The following ATP2B2 variants were observed in gnomAD, a reference collection of about 807,000 sequenced individuals.
The protein encoded by ATP2B2 is plasma membrane calcium-transporting ATPase 2.
In ATP2B2, 15 loss-of-function variants were observed where a neutral mutation model predicts 120.0. That is an observed-to-expected ratio of 0.12 (90% CI 0.08 to 0.19). ATP2B2 has a LOEUF of 0.19. Among genes scored for constraint, ATP2B2 ranks in the 10% least tolerant of loss-of-function variants. The probability of loss-of-function intolerance (pLI) is 1.00; values close to 1 mark genes in which losing one functional copy is unlikely to be tolerated. For missense variants in ATP2B2, 1,045 were observed against 1,719.8 expected, an observed-to-expected ratio of 0.61 and a Z score of 6.94; for synonymous variants, 694 against 700.3, an observed-to-expected ratio of 0.99 and a Z score of 0.14.
At chr3:10,584,364 G>T (rs144536194) in intron 2 of ATP2B2, among the ~76,000 whole-genome samples, 1 of 152,186 alleles carries the variant, frequency 6.6e-6, no homozygotes, top group Admixed American at 6.5e-5. Context: ...TTCAGAGAGG[G>T]CTTTACCTTG....
intron 2 of ATP2B2, among the ~76,000 whole-genome samples, chr3:10,609,009 G>A (rs143190398): frequency 1.3e-3 from 203 of 152,294 alleles, no homozygotes; most frequent in Non-Finnish European, 2.5e-3. Flanking sequence ...TTCCTTCCCC[G>A]GAATTCCGGG....
At chr3:10,453,084 A>G (rs1034577771) in intron 1 of ATP2B2, among the ~76,000 whole-genome samples, 2 of 152,184 alleles carry the variant, frequency 1.3e-5, no homozygotes, top group Non-Finnish European at 2.9e-5. Flanking sequence ...GGTGCCAAGC[A>G]CTCTGAGTGT....
At position 10,582,589 on chromosome 3, in the gene ATP2B2, G is replaced by A. The variant is rs143090866; in HGVS notation, c.-415+37328C>T. ...CACGTGTGGTTGGGGCAGAAGGTCT[G>A]CAGTTGGGCAGTGAGGGCCTCTCCT... On this transcript the variant is annotated intron_variant, in intron 2 of 21. Coordinates refer to the ATP2B2 transcript ENST00000646379. 7.9e-5 allele frequency among the ~76,000 whole-genome samples: 12 copies of A among 152,376 alleles called. No individual in the cohort carries two copies. In the East Asian group the frequency reaches 2.1e-3, roughly 27 times the overall value.
intron 1 of ATP2B2, among the ~76,000 whole-genome samples, chr3:10,651,227 A>T (rs1332012168): frequency 6.6e-6 from 1 of 152,192 alleles, no homozygotes; most frequent in East Asian, 1.9e-4. Flanking sequence ...AAATGTGAGG[A>T]CATGAGATTA....
intron 2 of ATP2B2, among the ~76,000 whole-genome samples, chr3:10,595,279 G>A (rs1251787035): frequency 1.3e-5 from 2 of 152,030 alleles, no homozygotes; most frequent in East Asian, 1.9e-4. Flanking sequence ...AAGGAGGCGT[G>A]CTGGAGGTTC....
intron 5 of ATP2B2, among the ~76,000 whole-genome samples, chr3:10,399,448 C>T (rs1366199931): frequency 6.6e-6 from 1 of 152,210 alleles, no homozygotes; most frequent in South Asian, 2.1e-4. Flanking sequence ...TGTGCCTTTC[C>T]TGCAGGTCTC....
rs2067874604 is a variant in ATP2B2, at chr3:10,560,324, A to C, written c.-414-26191T>G. ...GAGTCAGCCCAGGGCCTGTCCTCCC[A>C]GGACGGATGGAGCTCAGCAGATGTT... is the stretch of plus-strand genomic sequence containing the variant. On this transcript the variant is annotated intron_variant, in intron 2 of 21. Coordinates refer to the ATP2B2 transcript ENST00000646379. 2.6e-5 allele frequency among the ~76,000 whole-genome samples: 4 copies of C among 152,312 alleles called. No individual in the cohort carries two copies. The South Asian group carries it at 8.3e-4, about 32-fold the overall frequency.
chr3:10,608,575 G>A lies in ATP2B2; in HGVS notation c.-415+11342C>T, dbSNP rs115361767. 1.0e-3 allele frequency among the ~76,000 whole-genome samples: 158 copies of A among 152,308 alleles called. 1 individual carries two copies. Among genetic ancestry groups the A allele is most frequent in the African/African-American group, 3.5e-3 (146 of 41,568 alleles). Reference sequence around the variant, plus strand: ...GCCTCTGCTCAGACCTGCCGAGCCCGTCACCACATACGATCACATTTTGTA... The same window carrying A: ...GCCTCTGCTCAGACCTGCCGAGCCCATCACCACATACGATCACATTTTGTA... On this transcript the variant is annotated intron_variant, in intron 2 of 21. Transcript: ENST00000646379.
Position 10,390,408 on chromosome 3 carries a change from T to C in ATP2B2, c.782-2006A>G, listed in dbSNP as rs73113609. On this transcript the variant is annotated intron_variant, in intron 5 of 22. Transcript: ENST00000360273. The stretch of plus-strand genomic sequence containing the variant: ...GTATCTGTTTTCACTTTTTAAGTGG[T>C]ATCACCCACCTTGTCCCTTTCCTTG... Among the ~76,000 whole-genome samples the C allele has an allele frequency of 3.0e-3, 459 of 152,288 alleles. 4 individuals are homozygous for C. The highest frequency in any genetic ancestry group is 0.01 in the African/African-American group (435 of 41,552).
At chr3:10,517,497 T>A (rs1009021657) in intron 3 of ATP2B2, among the ~76,000 whole-genome samples, 1 of 152,154 alleles carries the variant, frequency 6.6e-6, no homozygotes, top group African/African-American at 2.4e-5. Context: ...CTTTTTTCTC[T>A]CCCCTTCAGC....
rs73811915 is a variant in ATP2B2 at position 10,501,372 on chromosome 3, G to T, written c.-320+4093C>A. Among the ~76,000 whole-genome samples the T allele has an allele frequency of 2.5e-4, 34 of 138,094 alleles. 1 individual carries two copies. The highest frequency in any genetic ancestry group is 8.2e-4 in the East Asian group (4 of 4,904). 90.6% of individuals were successfully genotyped at this position (138,094 alleles called of 152,430 possible). On this transcript the variant is annotated intron_variant, in intron 1 of 22. Coordinates refer to ENST00000360273, the MANE Select transcript of ATP2B2 (RefSeq NM_001001331.4). ...CCATAGCATAACCCATTTTTTAAAC[G>T]GTTTTTTTTTTTTTTTGAGACAGGG...
chr3:10,461,890 C>A (rs1334645272), intron 1 of ATP2B2, among the ~76,000 whole-genome samples: 2 of 152,130 alleles, frequency 1.3e-5, no homozygotes, highest in East Asian at 1.9e-4. Flanking sequence ...CTGGTGAGGA[C>A]CCCCACTGGC....
At chr3:10,525,064 G>C (rs2067064481) in intron 3 of ATP2B2, among the ~76,000 whole-genome samples, 1 of 152,146 alleles carries the variant, frequency 6.6e-6, no homozygotes. Flanking sequence ...ACTCCCTCTG[G>C]GGCCAAGGCC....
intron 6 of ATP2B2, 140 bp from the exon 7 acceptor site, chr3:10,386,652 T>A: frequency 2.1e-6 from 2 of 972,664 alleles, no homozygotes; most frequent in Admixed American, 1.9e-5. Context: ...TGGGGACATG[T>A]GGCGGGCTCT....
chr3:10,339,678 C>T (rs2060221141), intron 21 of ATP2B2, among the ~76,000 whole-genome samples: 1 of 152,206 alleles, frequency 6.6e-6, no homozygotes, highest in African/African-American at 2.4e-5. Context: ...CAGATGGCCA[C>T]AGGCACAGCA....
intron 2 of ATP2B2, among the ~76,000 whole-genome samples, chr3:10,426,511 C>T (rs1037622185): frequency 6.6e-6 from 1 of 152,112 alleles, no homozygotes; most frequent in Non-Finnish European, 1.5e-5. Context: ...ACATAGCAAG[C>T]GCCTCAGTGG....
At chr3:10,524,123 T>C (rs552725366) in intron 3 of ATP2B2, among the ~76,000 whole-genome samples, 3 of 152,244 alleles carry the variant, frequency 2.0e-5, no homozygotes, top group East Asian at 1.9e-4. Context: ...GGTCATCCCC[T>C]CTCCAGCTGA....
chr3:10,661,047 G>A (rs1376192109), intron 1 of ATP2B2, among the ~76,000 whole-genome samples: 5 of 152,072 alleles, frequency 3.3e-5, no homozygotes, highest in Admixed American at 3.3e-4. Flanking sequence ...CAATTCAACA[G>A]CCCTTCATGC....
At chr3:10,703,116 GTC>G (rs1241670727) in intron 1 of ATP2B2, among the ~76,000 whole-genome samples, 1 of 152,148 alleles carries the variant, frequency 6.6e-6, no homozygotes, top group African/African-American at 2.4e-5. Context: ...TTCTTCAAAG[GTC>G]TCTCCCCTGG....
Sources: allele counts gnomAD v4.1 joint callset (sites outside exome capture counted in the v4.1 genomes callset), GRCh38; gene constraint gnomAD v4.1.1; transcripts MANE v1.5; gene names NCBI Gene and HGNC (gene_info 2026-07-23, HGNC 2026-07-21).